RANBP2: variants seen among roughly 807,000 people sequenced by gnomAD.
RANBP2 encodes E3 SUMO-protein ligase RanBP2.
Under a neutral mutation model 303.6 loss-of-function variants are expected in RANBP2, and 57 were observed. The observed-to-expected ratio is 0.19, with a 90% CI of 0.15 to 0.23. The LOEUF (loss-of-function observed/expected upper bound fraction) is 0.23, where lower values mean the gene tolerates loss of function less well. Ranked by LOEUF, RANBP2 falls within the 10% of genes least tolerant of loss-of-function variation. The pLI, the probability that RANBP2 is intolerant of heterozygous loss-of-function variation, is 1.00. For missense variants in RANBP2, 3,138 were observed against 3,780.8 expected (o/e 0.83, Z 4.46); for synonymous variants, 1,167 against 1,301.5 (o/e 0.90, Z 2.23).
At chr2:109,522,845 C>T in the RANBP2 span, among the ~76,000 whole-genome samples, 3 of 152,184 alleles carry the variant, frequency 2.0e-5, no homozygotes, top group African/African-American at 7.2e-5. Context: ...GGTGGAAGCA[C>T]GTGGCAGCCA....
the RANBP2 span, among the ~76,000 whole-genome samples, chr2:108,992,710 CCACT>C: frequency 5.3e-5 from 8 of 152,150 alleles, no homozygotes; most frequent in Non-Finnish European, 1.5e-5. Flanking sequence ...ATGGTGACAC[CCACT>C]AAGTTATTCA....
the RANBP2 span, among the ~76,000 whole-genome samples, chr2:109,062,206 CT>C: frequency 1.4e-4 from 21 of 152,364 alleles, no homozygotes; most frequent in Middle Eastern, 3.4e-3. Context: ...TTCTCCACCC[CT>C]GACTTCCCTC....
chr2:109,567,126 C>T, the RANBP2 span, among the ~76,000 whole-genome samples: 2 of 151,956 alleles, frequency 1.3e-5, no homozygotes, highest in African/African-American at 4.8e-5. Context: ...CACTGTTAGG[C>T]GCTTAACAAA....
the RANBP2 span, among the ~76,000 whole-genome samples, chr2:109,553,882 C>T: frequency 6.6e-6 from 1 of 151,104 alleles, no homozygotes; most frequent in South Asian, 2.1e-4. Flanking sequence ...ATACAATAAA[C>T]TTTCAAAAAT....
At chr2:109,180,627 T>C in the RANBP2 span, among the ~76,000 whole-genome samples, 1 of 152,208 alleles carries the variant, frequency 6.6e-6, no homozygotes, top group East Asian at 1.9e-4. Context: ...GATCTGATGA[T>C]TTTATAAGGA....
At chr2:109,272,382 T>C in the RANBP2 span, among the ~76,000 whole-genome samples, 1 of 152,236 alleles carries the variant, frequency 6.6e-6, no homozygotes, top group Non-Finnish European at 1.5e-5. Flanking sequence ...GAAGCAGGAC[T>C]GTGCAGGCAC....
the RANBP2 span, among the ~76,000 whole-genome samples, chr2:109,424,124 G>T: frequency 6.6e-6 from 1 of 152,226 alleles, no homozygotes; most frequent in African/African-American, 2.4e-5. Flanking sequence ...AGATGGGGAG[G>T]TTTGTGGGGA....
chr2:109,307,270 C>T, the RANBP2 span, among the ~76,000 whole-genome samples: 14 of 152,128 alleles, frequency 9.2e-5, no homozygotes, highest in African/African-American at 3.1e-4. Context: ...TGATTTAATT[C>T]GCAAATTTGC....
chr2:109,638,809 C>T, the RANBP2 span, among the ~76,000 whole-genome samples: 1 of 152,276 alleles, frequency 6.6e-6, no homozygotes, highest in East Asian at 1.9e-4. Flanking sequence ...AACAACCCCA[C>T]AGTTCTAAAT....
the RANBP2 span, among the ~76,000 whole-genome samples, chr2:108,978,952 T>A: frequency 1.3e-5 from 2 of 152,184 alleles, no homozygotes; most frequent in African/African-American, 4.8e-5. Context: ...AAGGAAACCA[T>A]TAACCCGGGA....
chr2:109,365,660 G>A, the RANBP2 span, among the ~76,000 whole-genome samples: 1 of 152,158 alleles, frequency 6.6e-6, no homozygotes, highest in African/African-American at 2.4e-5. Flanking sequence ...TACTGTGGCG[G>A]TTGTATTTAA....
the RANBP2 span, among the ~76,000 whole-genome samples, chr2:108,951,424 G>A: frequency 6.6e-6 from 1 of 152,224 alleles, no homozygotes; most frequent in South Asian, 2.1e-4. Flanking sequence ...AGGCCAGGAT[G>A]TCTTATGTGA....
the RANBP2 span, among the ~76,000 whole-genome samples, chr2:109,556,788 A>T: frequency 2.6e-5 from 4 of 152,206 alleles, no homozygotes; most frequent in Admixed American, 2.6e-4. Flanking sequence ...TCTTGAATTC[A>T]GACTGGATTA....
chr2:109,640,366 C>T, the RANBP2 span, among the ~76,000 whole-genome samples: 4 of 152,112 alleles, frequency 2.6e-5, no homozygotes, highest in African/African-American at 7.2e-5. Flanking sequence ...ACAGGAGAAT[C>T]GCTTGAACCT....
At chr2:109,236,244 C>T in the RANBP2 span, among the ~76,000 whole-genome samples, 2 of 152,204 alleles carry the variant, frequency 1.3e-5, no homozygotes, top group Non-Finnish European at 2.9e-5. Flanking sequence ...CTTTGGACCT[C>T]TTATTAATGA....
chr2:108,896,635 T>C, the RANBP2 span: 1 of 473,844 alleles, frequency 2.1e-6, no homozygotes, highest in South Asian at 3.1e-5. Flanking sequence ...GAGTTAATGG[T>C]GGGCTGGTGG....
At chr2:108,799,059 GGTT>G in the RANBP2 span, among the ~76,000 whole-genome samples, 1 of 151,864 alleles carries the variant, frequency 6.6e-6, no homozygotes, top group Admixed American at 6.6e-5. Context: ...GGGGCGGGGG[GGTT>G]GTTTGTTTGA....
At chr2:109,545,313 A>C in the RANBP2 span, 1 of 1,472,350 alleles carries the variant, frequency 6.8e-7, no homozygotes, top group Non-Finnish European at 9.0e-7. Flanking sequence ...GACACAAAGT[A>C]CAGAAGGAAA....
At position 108,782,506 on chromosome 2, in the gene RANBP2, T is replaced by C. The variant is rs767429814; in HGVS notation, c.9035-22T>C. The C allele has an allele frequency of 9.9e-6, 16 of 1,613,744 alleles. No individual in the cohort carries two copies. The African/African-American group carries it at 2.0e-4, about 20-fold the overall frequency. On this transcript the variant is annotated intron_variant, in intron 27 of 28. Transcript: ENST00000283195. ...GTTATTTTAATACTAAGGTCACTGC[T>C]TCCCCTTTCCCTCCCTGCCAGATGG...
Sources: gnomAD v4.1 joint callset for allele counts (sites outside exome capture counted in the v4.1 genomes callset) on GRCh38, gnomAD v4.1.1 for gene constraint, MANE v1.5 for transcripts, NCBI Gene and HGNC (gene_info 2026-07-23, HGNC 2026-07-21) for gene names.